The following CINP variants were observed in gnomAD, a reference collection of about 807,000 sequenced individuals.
The protein encoded by CINP is cyclin dependent kinase 2 interacting protein.
In CINP, 11 loss-of-function variants were observed where a neutral mutation model predicts 20.5. That is an observed-to-expected ratio of 0.54 (90% confidence interval 0.34 to 0.89). The LOEUF (loss-of-function observed/expected upper bound fraction) is 0.89. Among genes scored for constraint, CINP ranks in the 40% least tolerant of loss-of-function variants. The pLI, the probability that CINP is intolerant of heterozygous loss-of-function variation, is 0.02. For missense variants in CINP, 213 were observed against 251.0 expected (o/e 0.85, Z 1.02); for synonymous variants, 108 against 102.1 (o/e 1.06, Z -0.35).
At chr14:102,350,714 GCTCTCT>G (rs759772323) in intron 3 of CINP, among the ~76,000 whole-genome samples, 1 of 149,888 alleles carries the variant, frequency 6.7e-6, no homozygotes. Flanking sequence ...CGTTTCTGAT[GCTCTCT>G]CTCTCTCTCT....
chr14:102,353,230 C>T (rs145530497), intron 3 of CINP, among the ~76,000 whole-genome samples: 108 of 152,220 alleles, frequency 7.1e-4, no homozygotes, highest in African/African-American at 2.3e-3. Context: ...CACCCTCAAG[C>T]AGGTGGTGAA....
intron 1 of CINP, 37 bp downstream of exon 1, chr14:102,362,808 G>A (rs1171582608): frequency 7.4e-6 from 12 of 1,613,394 alleles, no homozygotes; most frequent in African/African-American, 4.0e-5. Flanking sequence ...AACATTCACA[G>A]CCACCCCACC....
intron 3 of CINP, among the ~76,000 whole-genome samples, chr14:102,353,009 C>T (rs1423454991): frequency 2.0e-5 from 3 of 151,306 alleles, no homozygotes; most frequent in Non-Finnish European, 4.4e-5. Flanking sequence ...TGGTGGCAGG[C>T]ACCTGTAATC....
rs574792268 is a variant in CINP at position 102,350,609 on chromosome 14, C to T, written c.307-561G>A. Among the ~76,000 whole-genome samples, 7 of 152,208 alleles carry T rather than the reference C, an allele frequency of 4.6e-5. No homozygotes were observed. In the South Asian group the frequency reaches 1.5e-3, roughly 32 times the overall value. ...GCTCCAGCAATCCTCCCGCCTCAGCCTCCCAAAGTGCTGGGATTATACAGG... is the reference window on the plus strand; with the variant it reads ...GCTCCAGCAATCCTCCCGCCTCAGCTTCCCAAAGTGCTGGGATTATACAGG... On this transcript the variant is annotated intron_variant, in intron 3 of 4. Transcript: ENST00000216756.
At chr14:102,350,209 T>C (rs1886836788) in intron 3 of CINP, among the ~76,000 whole-genome samples, 161 bp from the exon 4 acceptor site, 7 of 152,118 alleles carry the variant, frequency 4.6e-5, no homozygotes, top group Admixed American at 4.6e-4. Context: ...CCCAGGGAGA[T>C]GAAGGTGGAC....
chr14:102,352,524 G>A (rs1213283439), intron 3 of CINP: 1 of 455,910 alleles, frequency 2.2e-6, no homozygotes, highest in Non-Finnish European at 4.4e-6. Flanking sequence ...TCAAAGTTAT[G>A]AAAGACACAG....
chr14:102,362,859 A>G lies in CINP; in HGVS notation c.-8T>C. The G allele has an allele frequency of 1.2e-6, 2 of 1,614,132 alleles. No individual in the cohort carries two copies. The highest frequency in any genetic ancestry group is 1.7e-6 in the Non-Finnish European group (2 of 1,179,982). ...ATCTCACGCACCTTCCATAAGGTCC[A>G]CAGATATCCGTAGAAGGAGACGCGA... On this transcript the variant is annotated 5_prime_UTR_variant, in exon 1 of 5. Coordinates refer to ENST00000216756, the MANE Select transcript of CINP (RefSeq NM_032630.3).
rs1323003499 is a variant in CINP at position 102,351,267 on chromosome 14, G to A, written c.307-1219C>T. On this transcript the variant is annotated intron_variant, in intron 3 of 4. Transcript: ENST00000216756. The surrounding 1 kb of genome is among the most constrained non-coding windows in gnomAD (Gnocchi z 4.2). ...AAGCTGCCATTGACGGTCCCTCAGT[G>A]TGGACCAGGCTCTGTCCTAAGCCCT... Among the ~76,000 whole-genome samples the A allele has an allele frequency of 6.6e-6, 1 of 152,204 alleles. No homozygotes were observed. The highest frequency in any genetic ancestry group is 1.9e-4 in the East Asian group (1 of 5,196).
intron 3 of CINP, among the ~76,000 whole-genome samples, chr14:102,353,480 G>A (rs1886920219): frequency 6.6e-6 from 1 of 152,106 alleles, no homozygotes; most frequent in South Asian, 2.1e-4. Flanking sequence ...TTTGAGACCA[G>A]CCCGGGCAAT....
intron 3 of CINP, among the ~76,000 whole-genome samples, chr14:102,355,018 A>G (rs1174856735): frequency 2.0e-5 from 3 of 151,910 alleles, no homozygotes; most frequent in African/African-American, 7.3e-5. Context: ...GCAGTGAGCC[A>G]AGATCATGCT....
At chr14:102,357,384 CA>C (rs60214361) in intron 2 of CINP, among the ~76,000 whole-genome samples, 4 of 111,354 alleles carry the variant, frequency 3.6e-5, no homozygotes, top group African/African-American at 3.5e-5. Context: ...TCCATCTCTA[CA>C]AAAAAAAAAA....
chr14:102,348,617 C>T lies in CINP; in HGVS notation c.579G>A (p.Glu193=), dbSNP rs747187772. Residue 193 remains glutamate (E), a synonymous_variant, in exon 5 of 5, where the codon GAG becomes GAA. Transcript: ENST00000216756. ...TCTCCAGATGCAGCCTGCTGTCGCT[C>T]TCCACATAGGGCTGGTGCAGCCACA... ...LSMWLHQPYV[E]SDSRLHLESM... 1 of 1,613,944 alleles carries T rather than the reference C, an allele frequency of 6.2e-7. No individual in the cohort carries two copies. The highest frequency in any genetic ancestry group is 1.7e-5 in the Admixed American group (1 of 59,992).
chr14:102,358,595 C>G (rs1482645144), intron 2 of CINP, among the ~76,000 whole-genome samples: 1 of 152,016 alleles, frequency 6.6e-6, no homozygotes, highest in Non-Finnish European at 1.5e-5. Flanking sequence ...ACAGGAGAAC[C>G]ACTTGAACCT....
chr14:102,349,804 T>G, intron 4 of CINP, 115 bp downstream of exon 4: 1 of 1,271,244 alleles, frequency 7.9e-7, no homozygotes, highest in Non-Finnish European at 1.1e-6. Context: ...CTCCCGATAC[T>G]TTTGCATTGA....
rs1567304799 is a variant in CINP, at chr14:102,351,132, T to C, written c.307-1084A>G. On this transcript the variant is annotated intron_variant, in intron 3 of 4. Transcript: ENST00000216756. This position sits in a 1 kb window ranked among gnomAD's most constrained non-coding sequence, Gnocchi z 4.2. ...AGACACCGCACCAGGCCTGACTCTCTCTTATTAACTGCCTTTATTTACGGA... is the reference window on the plus strand; with the variant it reads ...AGACACCGCACCAGGCCTGACTCTCCCTTATTAACTGCCTTTATTTACGGA... 1.3e-5 allele frequency among the ~76,000 whole-genome samples: 2 copies of C among 152,106 alleles called. No homozygotes were observed. Among genetic ancestry groups the C allele is most frequent in the African/African-American group, 4.8e-5 (2 of 41,424 alleles).
intron 3 of CINP, among the ~76,000 whole-genome samples, chr14:102,353,961 T>C (rs994621750): frequency 2.0e-5 from 3 of 152,136 alleles, no homozygotes; most frequent in Admixed American, 1.3e-4. Flanking sequence ...TGATGGTTCA[T>C]GCTTGTAGTC....
chr14:102,358,293 G>T (rs1169140841), intron 2 of CINP, among the ~76,000 whole-genome samples: 2 of 152,210 alleles, frequency 1.3e-5, no homozygotes, highest in Non-Finnish European at 2.9e-5. Flanking sequence ...CAGTGTGAGA[G>T]GTCTAATGTG....
intron 1 of CINP, 81 bp from the exon 2 acceptor site, chr14:102,359,668 A>G: frequency 1.0e-6 from 1 of 994,558 alleles, no homozygotes; most frequent in Non-Finnish European, 1.5e-6. Context: ...TATAATTTTC[A>G]ACAGTAAAAC....
chr14:102,353,593 A>G (rs1018419630), intron 3 of CINP, among the ~76,000 whole-genome samples: 1 of 152,228 alleles, frequency 6.6e-6, no homozygotes, highest in Non-Finnish European at 1.5e-5. Flanking sequence ...TCCTCTGAAC[A>G]AAACCCGTAA....
Sources: allele counts gnomAD v4.1 joint callset (sites outside exome capture counted in the v4.1 genomes callset), GRCh38; gene constraint gnomAD v4.1.1; non-coding constraint Gnocchi (gnomAD v3.1); transcripts MANE v1.5; gene names NCBI Gene and HGNC (gene_info 2026-07-23, HGNC 2026-07-21).